ANK3: variants seen among roughly 807,000 people sequenced by gnomAD.
ANK3 encodes ankyrin 3, also known as ankyrin-3.
In ANK3, 57 loss-of-function variants were observed where a neutral mutation model predicts 370.9. That is an observed-to-expected ratio of 0.15 (90% confidence interval 0.12 to 0.19). The LOEUF (loss-of-function observed/expected upper bound fraction) is 0.19. ANK3 is among the 10% of genes least tolerant of loss of function. The pLI is 1.00. For synonymous variants in ANK3, 1,929 were observed against 1,946.3 expected (o/e 0.99, Z 0.23); for missense variants, 4,439 against 5,302.1 (o/e 0.84, Z 5.06).
At chr10:60,624,059 A>T (rs2078375562) in intron 1 of ANK3, among the ~76,000 whole-genome samples, 1 of 152,130 alleles carries the variant, frequency 6.6e-6, no homozygotes, top group Non-Finnish European at 1.5e-5. Context: ...TTGAGGGTAG[A>T]GGGAGGGAGA....
intron 25 of ANK3, among the ~76,000 whole-genome samples, chr10:60,126,829 A>AATGG (rs551010720): frequency 3.4e-4 from 52 of 152,332 alleles, no homozygotes; most frequent in African/African-American, 1.2e-3. Context: ...CTCAAGGTTG[A>AATGG]ATGGCACTTT....
At chr10:60,249,732 C>T (rs1172860580) in intron 7 of ANK3, among the ~76,000 whole-genome samples, 1 of 152,248 alleles carries the variant, frequency 6.6e-6, no homozygotes, top group East Asian at 1.9e-4. Context: ...AGCTACTCTT[C>T]TAGGTGCCAT....
At chr10:60,424,042 C>T (rs561906866) in intron 2 of ANK3, among the ~76,000 whole-genome samples, 4 of 152,092 alleles carry the variant, frequency 2.6e-5, no homozygotes, top group Non-Finnish European at 2.9e-5. Context: ...AGAAGTTGTG[C>T]TTGACTGTCA....
In ANK3 at chr10:60,202,483, A is replaced by G. The variant is rs761181586; in HGVS notation, c.1392+519T>C. 6.7e-4 allele frequency among the ~76,000 whole-genome samples: 102 copies of G among 152,250 alleles called. 1 individual carries two copies. Among genetic ancestry groups the G allele is most frequent in the Non-Finnish European group, 8.1e-4 (55 of 68,052 alleles). ...ATGCACCTGTAAGGTTAATGAACGT[A>G]GTTCGTAAGTCCTAACAATTTGTGG... On this transcript the variant is annotated intron_variant, in intron 12 of 43. Transcript: ENST00000280772.
At chr10:60,238,647 G>T (rs1222607497) in intron 7 of ANK3, among the ~76,000 whole-genome samples, 10 of 151,986 alleles carry the variant, frequency 6.6e-5, no homozygotes, top group African/African-American at 2.4e-5. Context: ...AAAGCTCAGG[G>T]TGGAGCACTA....
Position 60,697,599 on chromosome 10 carries a change from G to A in ANK3, c.57+35664C>T, listed in dbSNP as rs1452537377. Among the ~76,000 whole-genome samples, 1,109 of 138,602 alleles carry A rather than the reference G, an allele frequency of 8.0e-3. 11 individuals carry two copies. The highest frequency in any genetic ancestry group is 0.021 in the African/African-American group (794 of 38,034). The allele number at this position is 138,602 out of a possible 152,430, so 90.9% of individuals were successfully genotyped here. ...GAACAGAGCCCTCAGAAATAATGCC[G>A]CATATCTACAACTATCTGATCTTTG... On this transcript the variant is annotated intron_variant, in intron 1 of 43. Transcript: ENST00000373827.
chr10:60,655,160 T>C (rs1470346032), intron 1 of ANK3, among the ~76,000 whole-genome samples: 1 of 152,006 alleles, frequency 6.6e-6, no homozygotes, highest in Admixed American at 6.6e-5. Flanking sequence ...GTATTTACTA[T>C]AGTATACTTT....
chr10:60,507,349 T>A (rs1432016858), intron 2 of ANK3, among the ~76,000 whole-genome samples: 1 of 151,830 alleles, frequency 6.6e-6, no homozygotes, highest in African/African-American at 2.4e-5. Context: ...TAGAAAAAAA[T>A]CAAAATGAAA....
intron 2 of ANK3, among the ~76,000 whole-genome samples, chr10:60,568,896 A>G (rs908747063): frequency 6.6e-6 from 1 of 152,210 alleles, no homozygotes; most frequent in Non-Finnish European, 1.5e-5. Flanking sequence ...ACACTGAGGA[A>G]AGGCCATGTG....
chr10:60,229,182 A>G (rs1224714520), intron 8 of ANK3, among the ~76,000 whole-genome samples: 1 of 152,158 alleles, frequency 6.6e-6, no homozygotes, highest in Non-Finnish European at 1.5e-5. Context: ...TTTTCAATTA[A>G]CTTGTAATTT....
At chr10:60,554,338 C>G (rs1333370062) in intron 2 of ANK3, among the ~76,000 whole-genome samples, 1 of 152,152 alleles carries the variant, frequency 6.6e-6, no homozygotes. Flanking sequence ...CCAGGGAACC[C>G]AGGACAGCAT....
intron 2 of ANK3, among the ~76,000 whole-genome samples, chr10:60,608,669 T>A (rs1025985485): frequency 6.6e-6 from 1 of 152,194 alleles, no homozygotes; most frequent in Non-Finnish European, 1.5e-5. Flanking sequence ...TATGCAAACA[T>A]ATATATTTTA....
chr10:60,619,506 G>C (rs561023880), intron 1 of ANK3, among the ~76,000 whole-genome samples: 1 of 151,994 alleles, frequency 6.6e-6, no homozygotes, highest in Admixed American at 6.6e-5. Context: ...CTTTTCATAG[G>C]CCAGGCCATA....
intron 1 of ANK3, among the ~76,000 whole-genome samples, chr10:60,334,613 T>G (rs1333257427): frequency 6.6e-6 from 1 of 152,198 alleles, no homozygotes; most frequent in African/African-American, 2.4e-5. Flanking sequence ...GCAGTGGCCT[T>G]GCATAACTTC....
chr10:60,031,696 G>T (rs1353337559), intron 43 of ANK3, among the ~76,000 whole-genome samples: 1 of 152,162 alleles, frequency 6.6e-6, no homozygotes, highest in Non-Finnish European at 1.5e-5. Context: ...CCTTGAAGAT[G>T]TTTACTTACC....
At chr10:60,418,642 T>C (rs1027866213) in intron 2 of ANK3, among the ~76,000 whole-genome samples, 1 of 151,912 alleles carries the variant, frequency 6.6e-6, no homozygotes, top group Admixed American at 6.6e-5. Flanking sequence ...CAGTTAAATC[T>C]GAATTATCAG....
intron 2 of ANK3, among the ~76,000 whole-genome samples, chr10:60,486,220 AAAG>A (rs2075343576): frequency 6.6e-6 from 1 of 152,216 alleles, no homozygotes; most frequent in South Asian, 2.1e-4. Flanking sequence ...CCTCTAATAA[AAAG>A]AATAGTGAAT....
At chr10:60,279,775 G>T (rs2132706783) in intron 1 of ANK3, 136 bp from the exon 2 acceptor site, 1 of 715,466 alleles carries the variant, frequency 1.4e-6, no homozygotes, top group Non-Finnish European at 2.3e-6. Flanking sequence ...AAAGTTCTTT[G>T]TAAAAAGAAC....
At chr10:60,277,746 T>G (rs764546964) in intron 4 of ANK3, among the ~76,000 whole-genome samples, 90 of 152,316 alleles carry the variant, frequency 5.9e-4, no homozygotes, top group Middle Eastern at 3.4e-3. Flanking sequence ...TTTCCTTGAC[T>G]TCAGGAAACT....
Sources: gnomAD v4.1 joint callset for allele counts (sites outside exome capture counted in the v4.1 genomes callset) on GRCh38, gnomAD v4.1.1 for gene constraint, MANE v1.5 for transcripts, NCBI Gene and HGNC (gene_info 2026-07-23, HGNC 2026-07-21) for gene names.